Variants in GRIP2 observed in about 807,000 individuals in gnomAD.
The protein encoded by GRIP2 is glutamate receptor interacting protein 2.
A neutral mutation model predicts 108.3 loss-of-function variants in GRIP2; 58 were observed. The observed-to-expected ratio is 0.54, with a 90% CI of 0.43 to 0.67. GRIP2 has a LOEUF of 0.67. Ranked by LOEUF, GRIP2 falls within the 30% of genes least tolerant of loss-of-function variation. The probability of loss-of-function intolerance (pLI) is 0.00; values close to 1 mark genes in which losing one functional copy is unlikely to be tolerated. For missense variants in GRIP2, 1,278 were observed against 1,430.6 expected (o/e 0.89, Z 1.72); for synonymous variants, 586 against 598.2 (o/e 0.98, Z 0.30).
Position 14,522,751 on chromosome 3 carries a change from G to A in GRIP2, c.566+249C>T. On this transcript the variant is annotated intron_variant, in intron 6 of 23. Coordinates refer to ENST00000621039, the MANE Select transcript of GRIP2 (RefSeq NM_001080423.4). This position sits in a 1 kb window ranked among gnomAD's most constrained non-coding sequence, Gnocchi z 4.3. ...GAAAGGGAAGAACGACACCAAGGCT[G>A]CCCCTCTCCAAACACCCCAACCCCT... 3.9e-6 allele frequency: 2 copies of A among 509,336 alleles called. No homozygotes were observed. The highest frequency in any genetic ancestry group is 7.0e-6 in the Non-Finnish European group (2 of 283,740). 31.6% of individuals were successfully genotyped at this position (509,336 alleles called of 1,614,324 possible).
At chr3:14,532,151 G>C (rs1694724098) in intron 1 of GRIP2, among the ~76,000 whole-genome samples, 1 of 152,208 alleles carries the variant, frequency 6.6e-6, no homozygotes, top group African/African-American at 2.4e-5. Context: ...CACACCCATG[G>C]AAAGTGAGAC....
chr3:14,577,947 C>T, the GRIP2 span, among the ~76,000 whole-genome samples: 1 of 152,214 alleles, frequency 6.6e-6, no homozygotes. Flanking sequence ...GCCTCATCCT[C>T]GCCCAGGGCC....
At chr3:14,532,228 G>T (rs1694727515) in intron 1 of GRIP2, among the ~76,000 whole-genome samples, 1 of 152,214 alleles carries the variant, frequency 6.6e-6, no homozygotes, top group South Asian at 2.1e-4. Context: ...GAGAAGGTCT[G>T]GTCCCCGCAG....
chr3:14,582,416 G>C, the GRIP2 span, among the ~76,000 whole-genome samples: 4 of 152,318 alleles, frequency 2.6e-5, no homozygotes, highest in South Asian at 8.3e-4. Context: ...AAGATTTAGG[G>C]ACATCTGGAT....
At position 14,511,244 on chromosome 3, in the gene GRIP2, G is replaced by T. The variant is rs1235881533; in HGVS notation, c.1854C>A (p.Pro618=). The change falls in exon 16 of 24, where the codon CCC becomes CCA. Residue 618 remains proline, a synonymous_variant. Coordinates refer to ENST00000621039, the MANE Select transcript of GRIP2 (RefSeq NM_001080423.4). This position sits in a 1 kb window ranked among gnomAD's most constrained non-coding sequence, Gnocchi z 4.1. ...GCAGGATTTGCACGGCGTCCTCCAT[G>T]GGGCAGTTGTCCAGGCGGATATTGT... is the stretch of plus-strand genomic sequence containing the variant. ...AIDNIRLDNC[P]MEDAVQILRQ... 20 of 1,614,002 alleles carry T rather than the reference G, an allele frequency of 1.2e-5. No homozygotes were observed. Among genetic ancestry groups the T allele is most frequent in the Non-Finnish European group, 1.7e-5 (20 of 1,179,894 alleles).
chr3:14,523,135 C>G (rs560651293), intron 5 of GRIP2, 60 bp from the exon 6 acceptor site: 1 of 1,252,590 alleles, frequency 8.0e-7, no homozygotes, highest in Admixed American at 2.0e-5. Context: ...TCCAGAGGCT[C>G]CCACACAGCC....
At chr3:14,499,536 T>C (rs1324993759) in intron 21 of GRIP2, among the ~76,000 whole-genome samples, 2 of 150,464 alleles carry the variant, frequency 1.3e-5, no homozygotes, top group Non-Finnish European at 3.0e-5. Flanking sequence ...GGCAACATGG[T>C]GAAACCCTGT....
chr3:14,563,532 C>T, the GRIP2 span, among the ~76,000 whole-genome samples: 3 of 151,956 alleles, frequency 2.0e-5, no homozygotes, highest in African/African-American at 7.3e-5. Flanking sequence ...CGAGGAAGGT[C>T]AAGCAATGCA....
At chr3:14,561,085 C>T in the GRIP2 span, among the ~76,000 whole-genome samples, 2 of 152,222 alleles carry the variant, frequency 1.3e-5, no homozygotes, top group Admixed American at 6.5e-5. Context: ...TAGGTTCCAG[C>T]CATCTGAAGC....
At chr3:14,576,659 G>A in the GRIP2 span, among the ~76,000 whole-genome samples, 10 of 152,312 alleles carry the variant, frequency 6.6e-5, no homozygotes, top group Admixed American at 3.3e-4. Context: ...CAGCCTGACC[G>A]TCGGGCAACA....
rs4685171 is a variant in GRIP2, at chr3:14,513,708, T to C, written c.1596A>G (p.Ala532=). ...CCTCCAGCACGACCTTGTGGGCCAGTGCGGCGTCCCGCAGGAGCTGGTTGG... is the reference window on the plus strand; with the variant it reads ...CCTCCAGCACGACCTTGTGGGCCAGCGCGGCGTCCCGCAGGAGCTGGTTGG... ...EEANQLLRDA[A]LAHKVVLEVE... is the part of the protein sequence containing the mutation. Residue 532 remains alanine (A), a synonymous_variant, in exon 13 of 24, where the codon GCA becomes GCG. Transcript: ENST00000621039. 913,456 of 1,608,556 alleles carry C rather than the reference T, an allele frequency of 0.57. 262,985 individuals carry two copies. Among genetic ancestry groups the C allele is most frequent in the East Asian group, 0.8 (35,536 of 44,652 alleles).
intron 17 of GRIP2, among the ~76,000 whole-genome samples, chr3:14,508,567 C>T (rs1693993774): frequency 6.6e-6 from 1 of 152,130 alleles, no homozygotes; most frequent in Non-Finnish European, 1.5e-5. Flanking sequence ...CATTGCCCTG[C>T]ACTTCCCCAG....
At position 14,514,324 on chromosome 3, in the gene GRIP2, C is replaced by A; in HGVS notation, c.1461G>T (p.Val487=). Residue 487 remains valine, a synonymous_variant, in exon 12 of 24, where the codon GTG becomes GTT. Coordinates refer to ENST00000621039, the MANE Select transcript of GRIP2 (RefSeq NM_001080423.4). Reference sequence around the variant, plus strand: ...CCGGACTGTCAGGCTCGATGAAGCACACGAGGGGTGGGGAGGACAGGGTCT... The same window carrying A: ...CCGGACTGTCAGGCTCGATGAAGCAAACGAGGGGTGGGGAGGACAGGGTCT... ...ATETLSSPPL[V]CFIEPDSPAE... The A allele has an allele frequency of 6.3e-7, 1 of 1,574,860 alleles. No homozygotes were observed. Among genetic ancestry groups the A allele is most frequent in the Non-Finnish European group, 8.6e-7 (1 of 1,161,720 alleles).
intron 17 of GRIP2, among the ~76,000 whole-genome samples, chr3:14,509,460 A>G (rs951126869): frequency 2.0e-5 from 3 of 152,170 alleles, no homozygotes; most frequent in Admixed American, 6.5e-5. Flanking sequence ...CAGTGCTGGG[A>G]CCAGGGTACT....
rs1297595663 is a variant in GRIP2, at chr3:14,520,482, C to A, written c.768G>T (p.Gly256=). 2 of 1,613,994 alleles carry A rather than the reference C, an allele frequency of 1.2e-6. No individual in the cohort carries two copies. Among genetic ancestry groups the A allele is most frequent in the Admixed American group, 1.7e-5 (1 of 60,022 alleles). ...TGGTGAGCGAGATCCCCAGGGCAGA[C>A]CCTGGCGTCTTGACTATTTCCACCA... ...PLMVEIVKTP[G]SALGISLTTT... The change falls in exon 8 of 24, where the codon GGG becomes GGT. Residue 256 remains glycine (G), a synonymous_variant. Transcript: ENST00000621039.
At position 14,517,065 on chromosome 3, in the gene GRIP2, C is replaced by A. The variant is rs750080923; in HGVS notation, c.1305G>T (p.Ser435=). 4 of 1,559,462 alleles carry A rather than the reference C, an allele frequency of 2.6e-6. No homozygotes were observed. The highest frequency in any genetic ancestry group is 3.5e-6 in the Non-Finnish European group (4 of 1,153,646). The change falls in exon 11 of 24, where the codon TCG becomes TCT. Residue 435 remains serine (S), a splice_region_variant and synonymous_variant. Transcript: ENST00000621039. ...AGGAGGGAAGAGACCACAGCTTACA[C>A]GAGCTCTTGTGTTCCCTTCTTCGCT... ...RRQRRREHKS[S]LSLASSTVGP...
At chr3:14,568,152 A>G in the GRIP2 span, among the ~76,000 whole-genome samples, 2 of 151,684 alleles carry the variant, frequency 1.3e-5, no homozygotes, top group Non-Finnish European at 2.9e-5. Flanking sequence ...GGGAGGTGGG[A>G]GCCATGGGAG....
chr3:14,526,368 A>G (rs1434884699), intron 1 of GRIP2, among the ~76,000 whole-genome samples: 2 of 152,188 alleles, frequency 1.3e-5, no homozygotes, highest in Non-Finnish European at 2.9e-5. Context: ...CTGTGCTTAC[A>G]TACCTGCTGG....
chr3:14,540,290 G>T lies in GRIP2; in HGVS notation c.19C>A (p.Arg7=). 1 of 1,613,578 alleles carries T rather than the reference G, an allele frequency of 6.2e-7. No individual in the cohort carries two copies. The highest frequency in any genetic ancestry group is 8.5e-7 in the Non-Finnish European group (1 of 1,179,726). The change falls in exon 1 of 24, where the codon CGG becomes AGG. Residue 7 remains arginine, a synonymous_variant. Coordinates refer to ENST00000621039, the MANE Select transcript of GRIP2 (RefSeq NM_001080423.4). The surrounding 1 kb of genome is among the most constrained non-coding windows in gnomAD (Gnocchi z 4.1). The part of the protein sequence containing the change: MLCGLS[R]ETPGEADDGP... ...GTACCCGCCTCTCCAGGGGTCTCCC[G>T]GCTGAGCCCACACAGCATGTTCGCT...
Sources: allele counts gnomAD v4.1 joint callset (sites outside exome capture counted in the v4.1 genomes callset), GRCh38; gene constraint gnomAD v4.1.1; non-coding constraint Gnocchi (gnomAD v3.1); transcripts MANE v1.5; gene names NCBI Gene and HGNC (gene_info 2026-07-23, HGNC 2026-07-21).